The following ROBO2 variants were observed in gnomAD, a reference collection of about 807,000 sequenced individuals.
ROBO2 encodes roundabout guidance receptor 2.
In ROBO2, 53 loss-of-function variants were observed where a neutral mutation model predicts 160.8. The ratio of observed to expected loss-of-function variants is 0.33; its 90% CI spans 0.26 to 0.41. The LOEUF (loss-of-function observed/expected upper bound fraction) is 0.41. ROBO2 is among the 10% of genes least tolerant of loss of function. ROBO2 has a pLI of 1.00. For synonymous variants in ROBO2, 664 were observed against 611.7 expected (o/e 1.09, Z -1.26); for missense variants, 1,577 against 1,722.4 (o/e 0.92, Z 1.49).
At chr3:76,429,014 A>G (rs17014171) in intron 2 of ROBO2, among the ~76,000 whole-genome samples, 11,062 of 152,204 alleles carry the variant, frequency 0.073, 807 homozygotes, top group East Asian at 0.3. Flanking sequence ...CCAAATTCCA[A>G]CACTTCGTAG....
At chr3:77,438,072 C>T (rs2079494028) in intron 2 of ROBO2, among the ~76,000 whole-genome samples, 1 of 152,042 alleles carries the variant, frequency 6.6e-6, no homozygotes, top group South Asian at 2.1e-4. Flanking sequence ...TTCCCCTTCT[C>T]TTTGGCATAT....
At chr3:76,871,231 T>G (rs1265241604) in intron 2 of ROBO2, among the ~76,000 whole-genome samples, 1 of 152,228 alleles carries the variant, frequency 6.6e-6, no homozygotes, top group East Asian at 1.9e-4. Flanking sequence ...TGTGAAGATT[T>G]GACTAACTGA....
At chr3:76,602,853 C>A (rs2087267133) in intron 2 of ROBO2, among the ~76,000 whole-genome samples, 1 of 152,118 alleles carries the variant, frequency 6.6e-6, no homozygotes, top group South Asian at 2.1e-4. Context: ...ACAGCCAAAC[C>A]GTATCAGTCT....
At chr3:77,238,517 AT>A (rs1301470776) in intron 2 of ROBO2, among the ~76,000 whole-genome samples, 2 of 152,130 alleles carry the variant, frequency 1.3e-5, no homozygotes, top group African/African-American at 2.4e-5. Flanking sequence ...AATTCTTATG[AT>A]TTAAAATTTT....
chr3:77,394,268 T>G (rs577552971), intron 2 of ROBO2, among the ~76,000 whole-genome samples: 19 of 152,318 alleles, frequency 1.2e-4, no homozygotes, highest in African/African-American at 4.1e-4. Flanking sequence ...GAAGACCATT[T>G]GACCCATTTC....
intron 2 of ROBO2, among the ~76,000 whole-genome samples, chr3:76,023,454 G>A (rs2066635832): frequency 6.6e-6 from 1 of 151,410 alleles, no homozygotes; most frequent in African/African-American, 2.4e-5. Context: ...GTTATTAATT[G>A]GTTTAATTTT....
intron 2 of ROBO2, among the ~76,000 whole-genome samples, chr3:76,467,517 A>G (rs1317279470): frequency 6.6e-6 from 1 of 152,116 alleles, no homozygotes; most frequent in East Asian, 1.9e-4. Context: ...AGTCGGAACC[A>G]TGTGACTAGT....
At chr3:77,352,932 T>G (rs2068553918) in intron 2 of ROBO2, among the ~76,000 whole-genome samples, 3 of 152,242 alleles carry the variant, frequency 2.0e-5, no homozygotes, top group African/African-American at 7.2e-5. Context: ...ATAATCCTTT[T>G]AAATAAAGTA....
At position 76,571,771 on chromosome 3, in the gene ROBO2, GA is replaced by G. The variant is rs773554919; in HGVS notation, c.110-526235del. 2.8e-4 allele frequency among the ~76,000 whole-genome samples: 43 copies of G among 151,822 alleles called. 2 individuals are homozygous for G. Among genetic ancestry groups the G allele is most frequent in the South Asian group, 2.7e-3 (13 of 4,806 alleles). On this transcript the variant is annotated intron_variant, in intron 2 of 26. Coordinates refer to the ROBO2 transcript ENST00000487694. ...GCTGATTTCTCCATTTTATGTACAGGAAAAAAAATGTCACATTTTAGAAGGC... is the reference window on the plus strand; with the variant it reads ...GCTGATTTCTCCATTTTATGTACAGGAAAAAAATGTCACATTTTAGAAGGC...
intron 2 of ROBO2, among the ~76,000 whole-genome samples, chr3:77,230,423 A>G (rs1461691042): frequency 6.6e-6 from 1 of 152,184 alleles, no homozygotes; most frequent in African/African-American, 2.4e-5. Flanking sequence ...CAACAATAAT[A>G]TAAACGAAAG....
intron 2 of ROBO2, among the ~76,000 whole-genome samples, chr3:76,201,549 A>G (rs1702528681): frequency 6.6e-6 from 1 of 152,174 alleles, no homozygotes; most frequent in South Asian, 2.1e-4. Flanking sequence ...CATTGTAAAC[A>G]ATTGCCAGCA....
intron 2 of ROBO2, among the ~76,000 whole-genome samples, chr3:77,401,260 A>AT (rs1553938228): frequency 3.5e-4 from 28 of 80,958 alleles, no homozygotes; most frequent in African/African-American, 9.0e-4. Flanking sequence ...AGTTGTTTGT[A>AT]TTTAAAAAAA....
At chr3:77,372,422 A>C (rs2071903775) in intron 2 of ROBO2, among the ~76,000 whole-genome samples, 1 of 152,128 alleles carries the variant, frequency 6.6e-6, no homozygotes, top group Admixed American at 6.5e-5. Flanking sequence ...ATTATATTCT[A>C]TGCCATTTAT....
chr3:76,305,453 A>C (rs2071294176), intron 2 of ROBO2, among the ~76,000 whole-genome samples: 1 of 148,678 alleles, frequency 6.7e-6, no homozygotes, highest in South Asian at 2.1e-4. Flanking sequence ...CTATACTTAC[A>C]TAAAATGATG....
chr3:77,283,213 A>T (rs927534532), intron 2 of ROBO2, among the ~76,000 whole-genome samples: 7 of 152,178 alleles, frequency 4.6e-5, no homozygotes, highest in African/African-American at 1.7e-4. Context: ...TTGTGTAAAT[A>T]CTGTTAAGCT....
At chr3:76,124,484 AG>A (rs1486183975) in intron 2 of ROBO2, among the ~76,000 whole-genome samples, 1 of 152,154 alleles carries the variant, frequency 6.6e-6, no homozygotes, top group African/African-American at 2.4e-5. Context: ...ATTAGTGACC[AG>A]AACACTTATC....
At chr3:76,639,274 A>C (rs1173277460) in intron 2 of ROBO2, among the ~76,000 whole-genome samples, 1 of 152,010 alleles carries the variant, frequency 6.6e-6, no homozygotes, top group African/African-American at 2.4e-5. Context: ...TTATATGTAC[A>C]TATACATATA....
intron 2 of ROBO2, among the ~76,000 whole-genome samples, chr3:76,246,765 G>C (rs1382852983): frequency 6.6e-6 from 1 of 151,938 alleles, no homozygotes; most frequent in African/African-American, 2.4e-5. Context: ...AAATTTTATG[G>C]GTAAGTTCTA....
In ROBO2 at chr3:76,051,618, G is replaced by T. The variant is rs566897756; in HGVS notation, c.109+114016G>T. 1.6e-4 allele frequency among the ~76,000 whole-genome samples: 24 copies of T among 151,936 alleles called. No individual in the cohort carries two copies. In the East Asian group the frequency reaches 4.6e-3, roughly 29 times the overall value. ...AATTATTTTCATGCAAATTGTGTGG[G>T]GCTTTACAAATAATACATATTTGCT... On this transcript the variant is annotated intron_variant, in intron 2 of 26. Coordinates refer to the ROBO2 transcript ENST00000487694.
Sources: gnomAD v4.1 joint callset for allele counts (sites outside exome capture counted in the v4.1 genomes callset) on GRCh38, gnomAD v4.1.1 for gene constraint, MANE v1.5 for transcripts, NCBI Gene and HGNC (gene_info 2026-07-23, HGNC 2026-07-21) for gene names.